CCSER1: variants seen among roughly 807,000 people sequenced by gnomAD.
CCSER1 encodes coiled-coil serine rich protein 1.
CCSER1 carries 41 observed loss-of-function variants against 82.0 expected under a neutral mutation model. That is an observed-to-expected ratio of 0.50 (90% confidence interval 0.39 to 0.65). CCSER1 has a LOEUF of 0.65. Ranked by LOEUF, CCSER1 falls within the 30% of genes least tolerant of loss-of-function variation. The probability of loss-of-function intolerance (pLI) is 0.00; values close to 1 mark genes in which losing one functional copy is unlikely to be tolerated. For missense variants in CCSER1, 1,119 were observed against 1,064.2 expected, an observed-to-expected ratio of 1.05 and a Z score of -0.72; for synonymous variants, 414 against 383.9, an observed-to-expected ratio of 1.08 and a Z score of -0.92.
chr4:90,478,355 A>G (rs1412904423), intron 5 of CCSER1, among the ~76,000 whole-genome samples: 4 of 152,142 alleles, frequency 2.6e-5, no homozygotes, highest in Admixed American at 6.5e-5. Context: ...CTCTCTCACT[A>G]GATATTAAAG....
chr4:90,724,225 G>A (rs1461331768), intron 7 of CCSER1, among the ~76,000 whole-genome samples: 1 of 151,796 alleles, frequency 6.6e-6, no homozygotes, highest in African/African-American at 2.4e-5. Flanking sequence ...ACATGTAAAT[G>A]GTGGAGTTTT....
At chr4:90,634,473 A>G (rs1448430706) in intron 6 of CCSER1, among the ~76,000 whole-genome samples, 1 of 151,852 alleles carries the variant, frequency 6.6e-6, no homozygotes, top group Admixed American at 6.6e-5. Flanking sequence ...TTGCAATTAC[A>G]TTATAAAATT....
At chr4:90,543,995 T>A (rs1286087193) in intron 5 of CCSER1, among the ~76,000 whole-genome samples, 2 of 152,084 alleles carry the variant, frequency 1.3e-5, no homozygotes, top group Non-Finnish European at 2.9e-5. Flanking sequence ...GGCATCTGTG[T>A]CAGAGACAAG....
At chr4:91,026,109 G>T (rs1410926841) in intron 9 of CCSER1, among the ~76,000 whole-genome samples, 1 of 152,066 alleles carries the variant, frequency 6.6e-6, no homozygotes, top group Non-Finnish European at 1.5e-5. Flanking sequence ...CACACATTAG[G>T]TACAAGATGA....
At chr4:91,251,336 T>C (rs1002662954) in intron 10 of CCSER1, among the ~76,000 whole-genome samples, 2 of 152,120 alleles carry the variant, frequency 1.3e-5, no homozygotes, top group African/African-American at 4.8e-5. Context: ...ACTAATTCTA[T>C]TCATGAAGGC....
At chr4:90,952,862 T>A (rs2150357713) in intron 9 of CCSER1, among the ~76,000 whole-genome samples, 1 of 152,174 alleles carries the variant, frequency 6.6e-6, no homozygotes, top group African/African-American at 2.4e-5. Flanking sequence ...AGATTCTATT[T>A]CCTGTATTCT....
chr4:90,577,072 G>A (rs1474873994), intron 5 of CCSER1, among the ~76,000 whole-genome samples: 2 of 152,032 alleles, frequency 1.3e-5, no homozygotes, highest in African/African-American at 4.8e-5. Flanking sequence ...GGCTATTTTA[G>A]TAAGTACCTA....
intron 10 of CCSER1, among the ~76,000 whole-genome samples, chr4:91,491,311 G>A (rs989648441): frequency 1.2e-4 from 18 of 151,902 alleles, no homozygotes; most frequent in Admixed American, 6.6e-4. Flanking sequence ...TCAGAGGCAA[G>A]TTATCAAACC....
At chr4:91,585,903 G>C (rs1264152974) in intron 10 of CCSER1, among the ~76,000 whole-genome samples, 1 of 151,606 alleles carries the variant, frequency 6.6e-6, no homozygotes, top group Non-Finnish European at 1.5e-5. Context: ...GGTATTGAAA[G>C]AAAATAAGAA....
chr4:91,380,764 T>G (rs1015725599), intron 10 of CCSER1, among the ~76,000 whole-genome samples: 5 of 152,202 alleles, frequency 3.3e-5, no homozygotes, highest in Admixed American at 2.6e-4. Flanking sequence ...CTAATATTGT[T>G]ATGTGTGAAT....
intron 9 of CCSER1, among the ~76,000 whole-genome samples, chr4:90,994,687 A>T (rs548884776): frequency 6.6e-6 from 1 of 152,306 alleles, no homozygotes; most frequent in East Asian, 1.9e-4. Flanking sequence ...AAGTCTGCCT[A>T]ACATCAAAAC....
intron 8 of CCSER1, among the ~76,000 whole-genome samples, chr4:90,907,677 G>T (rs1471072092): frequency 6.6e-6 from 1 of 151,882 alleles, no homozygotes; most frequent in Non-Finnish European, 1.5e-5. Flanking sequence ...CAATTTCTCA[G>T]ACGTATATTT....
At chr4:90,934,442 A>G (rs1730667561) in intron 9 of CCSER1, among the ~76,000 whole-genome samples, 1 of 133,902 alleles carries the variant, frequency 7.5e-6, no homozygotes, top group Non-Finnish European at 1.5e-5. Context: ...TGCTAATTGA[A>G]GAATATTTTC....
intron 10 of CCSER1, among the ~76,000 whole-genome samples, chr4:91,387,922 TTCATG>T (rs1361282800): frequency 1.3e-5 from 2 of 152,150 alleles, no homozygotes; most frequent in Non-Finnish European, 2.9e-5. Flanking sequence ...TAGACTATTA[TTCATG>T]AAATGTAGAA....
rs1297388410 is a variant in CCSER1, at chr4:91,557,538, A to G, written c.2218-41034A>G. Among the ~76,000 whole-genome samples, 3 of 151,544 alleles carry G rather than the reference A, an allele frequency of 2.0e-5. No individual in the cohort carries two copies. In the East Asian group the frequency reaches 5.8e-4, roughly 29 times the overall value. On this transcript the variant is annotated intron_variant, in intron 10 of 10. Transcript: ENST00000509176. The stretch of plus-strand genomic sequence containing the variant: ...AATATTTATTAATGTAGTAAATACT[A>G]TGATAACAATTAGAACAGAGTAATA...
chr4:90,928,872 T>C (rs1357984061), intron 9 of CCSER1, among the ~76,000 whole-genome samples: 1 of 152,060 alleles, frequency 6.6e-6, no homozygotes, highest in African/African-American at 2.4e-5. Context: ...TATTCTAGAT[T>C]ATAAAATCTA....
chr4:90,970,988 T>C (rs1009248730), intron 9 of CCSER1, among the ~76,000 whole-genome samples: 4 of 151,790 alleles, frequency 2.6e-5, no homozygotes, highest in Non-Finnish European at 4.4e-5. Flanking sequence ...ATAAACCACC[T>C]AACTATATAC....
chr4:90,228,488 G>T (rs984375299), intron 1 of CCSER1, among the ~76,000 whole-genome samples: 3 of 152,214 alleles, frequency 2.0e-5, no homozygotes, highest in Admixed American at 2.0e-4. Context: ...CATCATCAAA[G>T]ACCAAAAGTA....
At chr4:90,520,840 T>G (rs902413796) in intron 5 of CCSER1, among the ~76,000 whole-genome samples, 2 of 152,152 alleles carry the variant, frequency 1.3e-5, no homozygotes, top group Admixed American at 1.3e-4. Flanking sequence ...TGGGGCAGGA[T>G]GGCAGGAGGA....
Sources: gnomAD v4.1 joint callset for allele counts (sites outside exome capture counted in the v4.1 genomes callset) on GRCh38, gnomAD v4.1.1 for gene constraint, MANE v1.5 for transcripts, NCBI Gene and HGNC (gene_info 2026-07-23, HGNC 2026-07-21) for gene names.